Variants in CRYBG2 observed in about 807,000 individuals in gnomAD.
CRYBG2 encodes crystallin beta-gamma domain containing 2, also known as beta/gamma crystallin domain-containing protein 2.
In CRYBG2, 106 loss-of-function variants were observed where a neutral mutation model predicts 153.4. That is an observed-to-expected ratio of 0.69 (90% CI 0.59 to 0.81). The LOEUF (loss-of-function observed/expected upper bound fraction) is 0.81. CRYBG2 is among the 30% of genes least tolerant of loss of function. The pLI is 0.00. For synonymous variants in CRYBG2, 851 were observed against 877.8 expected, an observed-to-expected ratio of 0.97 and a Z score of 0.54; for missense variants, 1,996 against 2,112.0, an observed-to-expected ratio of 0.95 and a Z score of 1.08.
chr1:26,327,064 T>C, intron 17 of CRYBG2: 1 of 439,828 alleles, frequency 2.3e-6, no homozygotes, highest in South Asian at 1.6e-5. Context: ...CTGGGCACAG[T>C]GGTTCATGCC....
chr1:26,324,498 TCTCTCTCACA>T (rs1439206457), intron 17 of CRYBG2, among the ~76,000 whole-genome samples, 188 bp from the exon 18 acceptor site: 4 of 63,470 alleles, frequency 6.3e-5, no homozygotes, highest in African/African-American at 1.5e-4. Flanking sequence ...TGTATCTCTC[TCTCTCTCACA>T]CACACACACA....
chr1:26,328,169 C>T, intron 17 of CRYBG2, 40 bp downstream of exon 17: 1 of 1,549,356 alleles, frequency 6.5e-7, no homozygotes, highest in Non-Finnish European at 8.7e-7. Flanking sequence ...CCCAGACACG[C>T]TCAGCCCCAG....
In CRYBG2 at chr1:26,346,743, A is replaced by G; in HGVS notation, c.-55-31T>C. 1 of 1,394,528 alleles carries G rather than the reference A, an allele frequency of 7.2e-7. No homozygotes were observed. The highest frequency in any genetic ancestry group is 9.5e-7 in the Non-Finnish European group (1 of 1,050,250). 86.4% of individuals were successfully genotyped at this position (1,394,528 alleles called of 1,614,324 possible). ...GAGGAATAAGAAAGATGAGGGTCAG[A>G]GGGTGGTGAGAGTGGCTTCCTAAAG... On this transcript the variant is annotated intron_variant, in intron 1 of 19. Transcript: ENST00000308182. This position sits in a 1 kb window ranked among gnomAD's most constrained non-coding sequence, Gnocchi z 4.9.
rs776233787 is a variant in CRYBG2 at position 26,346,260 on chromosome 1, G to A, written c.398C>T (p.Pro133Leu). The A allele has an allele frequency of 1.0e-5, 16 of 1,586,612 alleles. No homozygotes were observed. The highest frequency in any genetic ancestry group is 1.3e-5 in the African/African-American group (1 of 74,626). Residue 133 changes from proline (P) to leucine (L), a missense_variant, in exon 2 of 20, where the codon CCA (proline) becomes CTA (leucine). Physicochemically the swap from Pro to Leu is moderately conservative, Grantham distance 98. Coordinates refer to ENST00000308182, the MANE Select transcript of CRYBG2 (RefSeq NM_001039775.4). The surrounding 1 kb of genome is among the most constrained non-coding windows in gnomAD (Gnocchi z 4.9). ...AGTCCTGGCCATAGCTCCCACACAT[G>A]GGGGCTCAGTCCTGGGAGCTTGGCG... ...GSRQAPRTEP[P>L]CVGAMARTEL...
chr1:26,328,970 T>A, intron 15 of CRYBG2, 97 bp from the exon 16 acceptor site: 1 of 1,484,944 alleles, frequency 6.7e-7, no homozygotes, highest in Middle Eastern at 1.8e-4. Flanking sequence ...GATCTGTATG[T>A]CAGGCCTTCT....
At chr1:26,340,457 C>T (rs1255464069) in intron 5 of CRYBG2, among the ~76,000 whole-genome samples, 2 of 152,160 alleles carry the variant, frequency 1.3e-5, no homozygotes, top group African/African-American at 2.4e-5. Context: ...ACAACAGGCA[C>T]CTAATCAATG....
At chr1:26,339,036 C>A (rs916159246) in intron 6 of CRYBG2, among the ~76,000 whole-genome samples, 1 of 152,186 alleles carries the variant, frequency 6.6e-6, no homozygotes, top group African/African-American at 2.4e-5. Flanking sequence ...AGATTCTTGG[C>A]CAACTCATCC....
Position 26,349,924 on chromosome 1 carries a change from C to G in CRYBG2, c.-55-3212G>C, listed in dbSNP as rs146274517. 9.2e-3 allele frequency among the ~76,000 whole-genome samples: 1,398 copies of G among 151,382 alleles called. 20 individuals carry two copies. Among genetic ancestry groups the G allele is most frequent in the African/African-American group, 0.032 (1,326 of 41,212 alleles). Reference sequence around the variant, plus strand: ...CTGCCTCCTGGGCCCAAACAGTCCTCCCACCTCAGCCCACCGAGTAGCTGG... The same window carrying G: ...CTGCCTCCTGGGCCCAAACAGTCCTGCCACCTCAGCCCACCGAGTAGCTGG... On this transcript the variant is annotated intron_variant, in intron 1 of 19. Transcript: ENST00000308182.
At chr1:26,342,264 G>C (rs1362194650) in intron 5 of CRYBG2, among the ~76,000 whole-genome samples, 1 of 152,004 alleles carries the variant, frequency 6.6e-6, no homozygotes, top group Non-Finnish European at 1.5e-5. Context: ...GCTGAGCTTG[G>C]CCTCTGCCTG....
chr1:26,340,992 C>A (rs1250988940), intron 5 of CRYBG2, among the ~76,000 whole-genome samples: 1 of 152,034 alleles, frequency 6.6e-6, no homozygotes, highest in African/African-American at 2.4e-5. Flanking sequence ...CTCATCATCT[C>A]CTACCAGGAA....
At chr1:26,338,613 CA>C in intron 6 of CRYBG2, 136 bp from the exon 7 acceptor site, 1 of 944,464 alleles carries the variant, frequency 1.1e-6, no homozygotes, top group Non-Finnish European at 1.5e-6. Context: ...TAATCTCTTG[CA>C]GTAGCCACAT....
intron 4 of CRYBG2, 44 bp from the exon 5 acceptor site, chr1:26,342,927 G>A (rs2074150027): frequency 1.2e-6 from 2 of 1,611,196 alleles, no homozygotes; most frequent in Admixed American, 1.7e-5. Context: ...GGAGGAGGAT[G>A]TGCCCAGGGC....
rs2073964214 is a variant in CRYBG2, at chr1:26,328,817, C to T, written c.4371G>A (p.Glu1457=). The T allele has an allele frequency of 1.9e-6, 3 of 1,614,040 alleles. No homozygotes were observed. Among genetic ancestry groups the T allele is most frequent in the Non-Finnish European group, 2.5e-6 (3 of 1,180,046 alleles). The part of the protein sequence containing the change: ...LYGLECFEGK[E]IELSREVRSL... ...TCCGCACCTCCCTGCTGAGCTCGAT[C>T]TCCTTCCCCTCGAAGCACTCGAGTC... The change falls in exon 16 of 20, where the codon GAG becomes GAA. Residue 1457 remains glutamate, a synonymous_variant. Coordinates refer to ENST00000308182, the MANE Select transcript of CRYBG2 (RefSeq NM_001039775.4).
rs753400348 is a variant in CRYBG2, at chr1:26,345,180, G to A, written c.1478C>T (p.Thr493Ile). The change falls in exon 2 of 20, where the codon ACC (threonine) becomes ATC (isoleucine). Residue 493 changes from threonine to isoleucine, a missense_variant. By Grantham distance (89) the Thr-to-Ile change is moderately conservative. Transcript: ENST00000308182. ...AGGGCCCTTCACGACCTCTTTCCAG[G>A]TGGGGGACGAGGCAGCAGAAGCACT... is the stretch of plus-strand genomic sequence containing the variant. The part of the protein sequence containing the change: ...GSSASAASSP[T>I]WKEVVKGPGA... 1 of 1,427,202 alleles carries A rather than the reference G, an allele frequency of 7.0e-7. No individual in the cohort carries two copies. 88.4% of individuals were successfully genotyped at this position (1,427,202 alleles called of 1,614,324 possible). A position where few individuals can be genotyped will look rare whatever the true frequency, so the allele number is the denominator to read the frequency against.
At chr1:26,331,790 A>G (rs542928701) in intron 14 of CRYBG2, among the ~76,000 whole-genome samples, 172 bp from the exon 15 acceptor site, 1 of 152,320 alleles carries the variant, frequency 6.6e-6, no homozygotes, top group South Asian at 2.1e-4. Flanking sequence ...CTAAGAAAAG[A>G]CTGAATGAAA....
intron 16 of CRYBG2, 88 bp downstream of exon 16, chr1:26,328,644 GAA>G (rs2073961459): frequency 6.6e-7 from 1 of 1,506,060 alleles, no homozygotes; most frequent in Admixed American, 2.2e-5. Context: ...GTGGGGAGGG[GAA>G]AGAGGCCAGA....
intron 18 of CRYBG2, among the ~76,000 whole-genome samples, chr1:26,323,696 G>A (rs1197948939): frequency 6.6e-6 from 1 of 151,868 alleles, no homozygotes; most frequent in Non-Finnish European, 1.5e-5. Flanking sequence ...CTCACTCACT[G>A]CAGCCTCTAA....
At chr1:26,339,680 G>T (rs979723185) in intron 5 of CRYBG2, among the ~76,000 whole-genome samples, 26 of 151,608 alleles carry the variant, frequency 1.7e-4, no homozygotes, top group Non-Finnish European at 3.4e-4. Flanking sequence ...AGGTTGCGGT[G>T]AGCCGAGATC....
At position 26,338,054 on chromosome 1, in the gene CRYBG2, A is replaced by G; in HGVS notation, c.3472-7T>C. 6.2e-7 allele frequency: 1 copy of G among 1,612,516 alleles called. No homozygotes were observed. Among genetic ancestry groups the G allele is most frequent in the East Asian group, 2.2e-5 (1 of 44,862 alleles). On this transcript the variant is annotated splice_polypyrimidine_tract_variant and splice_region_variant and intron_variant, in intron 7 of 19. Coordinates refer to ENST00000308182, the MANE Select transcript of CRYBG2 (RefSeq NM_001039775.4). ...TCTCCACACTTGGGCAGCCCTGCAG[A>G]GGAGACAGAGCTGAGACACCAGCCC...
Sources: gnomAD v4.1 joint callset for allele counts (sites outside exome capture counted in the v4.1 genomes callset) on GRCh38, gnomAD v4.1.1 for gene constraint, Gnocchi (gnomAD v3.1) non-coding constraint, MANE v1.5 for transcripts, NCBI Gene and HGNC (gene_info 2026-07-23, HGNC 2026-07-21) for gene names.